Variants in PRKCE observed in about 807,000 individuals in gnomAD.
PRKCE encodes the protein protein kinase C epsilon.
A neutral mutation model predicts 85.4 loss-of-function variants in PRKCE; 16 were observed. The observed-to-expected ratio is 0.19, with a 90% CI of 0.13 to 0.28. The LOEUF is 0.28. Among genes scored for constraint, PRKCE ranks in the 10% least tolerant of loss-of-function variants. The pLI, the probability that PRKCE is intolerant of heterozygous loss-of-function variation, is 1.00. For synonymous variants in PRKCE, 388 were observed against 371.5 expected (o/e 1.04, Z -0.51); for missense variants, 573 against 975.2 (o/e 0.59, Z 5.49).
At chr2:45,719,051 G>T (rs984751655) in intron 1 of PRKCE, among the ~76,000 whole-genome samples, 1 of 152,252 alleles carries the variant, frequency 6.6e-6, no homozygotes, top group African/African-American at 2.4e-5. Context: ...TAATTCTTGA[G>T]ACTTTTCTTC....
At chr2:45,694,137 A>G (rs1388729341) in intron 1 of PRKCE, among the ~76,000 whole-genome samples, 5 of 150,988 alleles carry the variant, frequency 3.3e-5, no homozygotes, top group Non-Finnish European at 5.9e-5. Flanking sequence ...AGAGCTTCCC[A>G]TAGCTTCTTG....
intron 11 of PRKCE, among the ~76,000 whole-genome samples, chr2:46,131,940 A>G (rs17034610): frequency 0.038 from 5,790 of 152,278 alleles, 164 homozygotes; most frequent in East Asian, 0.11. Flanking sequence ...ATTAGTCTGG[A>G]AAGTCTTTTC....
intron 2 of PRKCE, among the ~76,000 whole-genome samples, chr2:45,872,085 T>C (rs1230700560): frequency 7.1e-6 from 1 of 140,786 alleles, no homozygotes; most frequent in African/African-American, 2.6e-5. Flanking sequence ...AGATTGCAGA[T>C]ACTTGAAAAG....
At chr2:46,163,005 A>T (rs1003660844) in intron 14 of PRKCE, among the ~76,000 whole-genome samples, 1 of 152,256 alleles carries the variant, frequency 6.6e-6, no homozygotes, top group African/African-American at 2.4e-5. Flanking sequence ...CACATACTGC[A>T]TTTCTCATCT....
Position 46,150,977 on chromosome 2 carries a change from T to C in PRKCE, c.1732-64T>C, listed in dbSNP as rs867298709. 24 of 1,474,446 alleles carry C rather than the reference T, an allele frequency of 1.6e-5. No homozygotes were observed. The Middle Eastern group carries it at 1.2e-3, about 76-fold the overall frequency. The allele number at this position is 1,474,446 out of a possible 1,614,324, so 91.3% of individuals were successfully genotyped here. ...TTGAAGTCCTTCCCATGGGCGTTCG[T>C]AGCACGGGTGTCACTGGGGTGGGAG... On this transcript the variant is annotated intron_variant, in intron 12 of 14. Transcript: ENST00000306156.
intron 1 of PRKCE, among the ~76,000 whole-genome samples, chr2:45,791,364 TG>T (rs1185877820): frequency 1.3e-5 from 2 of 152,174 alleles, no homozygotes; most frequent in African/African-American, 4.8e-5. Context: ...AGTGAGCACG[TG>T]GGGGTCCTGG....
intron 10 of PRKCE, among the ~76,000 whole-genome samples, chr2:46,061,859 C>CTTTTCTTTTTCTTTTT (rs869162406): frequency 2.8e-5 from 3 of 107,746 alleles, no homozygotes; most frequent in African/African-American, 8.0e-5. Flanking sequence ...TTTTCTTTTT[C>CTTTTCTTTTTCTTTTT]TTTTTTTTTT....
chr2:45,894,605 C>A (rs141018153), intron 2 of PRKCE, among the ~76,000 whole-genome samples: 167 of 152,098 alleles, frequency 1.1e-3, no homozygotes, highest in African/African-American at 3.8e-3. Flanking sequence ...CTGGAGTGGA[C>A]GTGAGGATGT....
chr2:45,896,947 T>G (rs1416046919), intron 2 of PRKCE, among the ~76,000 whole-genome samples: 1 of 152,128 alleles, frequency 6.6e-6, no homozygotes, highest in Non-Finnish European at 1.5e-5. Flanking sequence ...AGCTGAATAT[T>G]TCCGCCTGTA....
At chr2:45,739,024 C>T (rs770639392) in intron 1 of PRKCE, among the ~76,000 whole-genome samples, 25 of 152,186 alleles carry the variant, frequency 1.6e-4, no homozygotes, top group South Asian at 4.1e-4. Flanking sequence ...CATATGAAGT[C>T]ATCATATTGC....
intron 1 of PRKCE, among the ~76,000 whole-genome samples, chr2:45,835,182 C>T (rs1354473615): frequency 2.0e-5 from 3 of 152,246 alleles, no homozygotes; most frequent in East Asian, 3.9e-4. Flanking sequence ...TTAAATGCTC[C>T]GAGGGTGGGA....
rs573353352 is a variant in PRKCE at position 45,772,873 on chromosome 2, T to G, written c.349-70127T>G. 5.3e-5 allele frequency among the ~76,000 whole-genome samples: 8 copies of G among 152,254 alleles called. No homozygotes were observed. The South Asian group carries it at 1.7e-3, about 32-fold the overall frequency. ...ATGCTGCATGAACCCTGAGACTATG[T>G]GCTGTACCCGTGACACCCTATTGAG... On this transcript the variant is annotated intron_variant, in intron 1 of 14. Coordinates refer to ENST00000306156, the MANE Select transcript of PRKCE (RefSeq NM_005400.3).
chr2:45,925,197 AGGGAGAG>A (rs1698520402), intron 2 of PRKCE, among the ~76,000 whole-genome samples: 2 of 152,200 alleles, frequency 1.3e-5, no homozygotes, highest in African/African-American at 4.8e-5. Context: ...ACTCGTACTA[AGGGAGAG>A]GGTGTTCCCC....
intron 10 of PRKCE, among the ~76,000 whole-genome samples, chr2:46,037,909 A>G (rs1707970313): frequency 6.6e-6 from 1 of 152,224 alleles, no homozygotes; most frequent in Non-Finnish European, 1.5e-5. Flanking sequence ...CAAATGACTG[A>G]AACTCCTTGA....
Position 45,822,027 on chromosome 2 carries a change from T to G in PRKCE, c.349-20973T>G, listed in dbSNP as rs557374834. Among the ~76,000 whole-genome samples, 3 of 152,256 alleles carry G rather than the reference T, an allele frequency of 2.0e-5. No homozygotes were observed. The East Asian group carries it at 5.8e-4, about 29-fold the overall frequency. On this transcript the variant is annotated intron_variant, in intron 1 of 14. Transcript: ENST00000306156. Reference sequence around the variant, plus strand: ...GAGGTGCGGGGCGTGGGAGGACCTGTAGCCGGCTTCGGCTGAAGGGCCTGG... The same window carrying G: ...GAGGTGCGGGGCGTGGGAGGACCTGGAGCCGGCTTCGGCTGAAGGGCCTGG...
At chr2:45,938,499 T>C (rs1699639904) in intron 2 of PRKCE, among the ~76,000 whole-genome samples, 1 of 152,206 alleles carries the variant, frequency 6.6e-6, no homozygotes. Flanking sequence ...ACCTTGTGTC[T>C]GTGATTGACC....
At chr2:45,794,573 A>G (rs1687274028) in intron 1 of PRKCE, among the ~76,000 whole-genome samples, 1 of 152,166 alleles carries the variant, frequency 6.6e-6, no homozygotes, top group African/African-American at 2.4e-5. Flanking sequence ...GAACCTGGGC[A>G]AGGCTGTGGC....
At chr2:46,000,716 G>T (rs1258098334) in intron 6 of PRKCE, among the ~76,000 whole-genome samples, 45 of 152,110 alleles carry the variant, frequency 3.0e-4, no homozygotes, top group Admixed American at 2.9e-3. Context: ...TAGAGTTTTT[G>T]ACTCTCAGGC....
chr2:45,808,161 C>A (rs1037970393), intron 1 of PRKCE, among the ~76,000 whole-genome samples: 2 of 152,044 alleles, frequency 1.3e-5, no homozygotes, highest in African/African-American at 4.8e-5. Flanking sequence ...CTGGTCTTTT[C>A]CCCCAAGCCA....
Sources: gnomAD v4.1 joint callset for allele counts (sites outside exome capture counted in the v4.1 genomes callset) on GRCh38, gnomAD v4.1.1 for gene constraint, MANE v1.5 for transcripts, NCBI Gene and HGNC (gene_info 2026-07-23, HGNC 2026-07-21) for gene names.